Variants in NDOR1 observed in about 807,000 individuals in gnomAD.
The protein encoded by NDOR1 is NADPH-dependent diflavin oxidoreductase 1.
In NDOR1, 61 loss-of-function variants were observed where a neutral mutation model predicts 67.2. That is an observed-to-expected ratio of 0.91 (90% CI 0.74 to 1.12). The LOEUF is 1.12. Ranked by LOEUF, NDOR1 falls within the 50% of genes most tolerant of loss-of-function variation. The pLI, the probability that NDOR1 is intolerant of heterozygous loss-of-function variation, is 0.00. For synonymous variants in NDOR1, 378 were observed against 343.7 expected (o/e 1.10, Z -1.10); for missense variants, 878 against 802.8 (o/e 1.09, Z -1.13).
In NDOR1 at chr9:137,213,043, C is replaced by T. The variant is rs148899754; in HGVS notation, c.311+444C>T. 5.8e-3 allele frequency among the ~76,000 whole-genome samples: 876 copies of T among 152,326 alleles called. 11 individuals carry two copies. The highest frequency in any genetic ancestry group is 0.02 in the African/African-American group (814 of 41,574). On this transcript the variant is annotated intron_variant, in intron 3 of 13. Transcript: ENST00000684003. ...AGTGTGCAAATGGCATCTTTAGACC[C>T]CACAACGGTGAAAACCCCGACTGTC...
rs769629715 is a variant in NDOR1, at chr9:137,214,557, T to C, written c.723-13T>C. Reference sequence around the variant, plus strand: ...GCGGCGTCCCCACAGCCCTGGTGGCTTCTTCCACACAGCTTTGCTGCTGGT... The same window carrying C: ...GCGGCGTCCCCACAGCCCTGGTGGCCTCTTCCACACAGCTTTGCTGCTGGT... On this transcript the variant is annotated splice_polypyrimidine_tract_variant and intron_variant, in intron 6 of 13. Transcript: ENST00000684003. 1 of 1,611,250 alleles carries C rather than the reference T, an allele frequency of 6.2e-7. No homozygotes were observed. Among genetic ancestry groups the C allele is most frequent in the African/African-American group, 1.3e-5 (1 of 75,046 alleles).
In NDOR1 at chr9:137,214,663, G is replaced by A; in HGVS notation, c.816G>A (p.Gln272=). ...AGGTGCTGGGCCTGGACCCTGACCA[G>A]CTCTTCATGCTGCAGCCGCGGGAGC... ...FCQVLGLDPD[Q]LFMLQPREPD... is the part of the protein sequence containing the mutation. Residue 272 remains glutamine, a synonymous_variant, in exon 7 of 14, where the codon CAG becomes CAA. Coordinates refer to ENST00000684003, the MANE Select transcript of NDOR1 (RefSeq NM_014434.4). 2 of 1,606,206 alleles carry A rather than the reference G, an allele frequency of 1.2e-6. No homozygotes were observed. The highest frequency in any genetic ancestry group is 1.1e-5 in the South Asian group (1 of 91,080).
chr9:137,216,296 C>T lies in NDOR1; in HGVS notation c.1674C>T (p.Asp558=), dbSNP rs145104982. Residue 558 remains aspartate (D), a synonymous_variant, in exon 14 of 14, where the codon GAC becomes GAT. Coordinates refer to ENST00000684003, the MANE Select transcript of NDOR1 (RefSeq NM_014434.4). ...GCAACGCCAAGTCCATGCCAGCGGACGTCTCGGAAGCCCTGATGTCCATCT... is the reference window on the plus strand; with the variant it reads ...GCAACGCCAAGTCCATGCCAGCGGATGTCTCGGAAGCCCTGATGTCCATCT... The part of the protein sequence containing the change: ...LAGNAKSMPA[D]VSEALMSIFQ... 2,816 of 1,612,644 alleles carry T rather than the reference C, an allele frequency of 1.7e-3. 25 individuals carry two copies. The highest frequency in any genetic ancestry group is 0.014 in the South Asian group (1,276 of 91,092).
In NDOR1 at chr9:137,216,935, C is replaced by T. The variant is rs993483068; in HGVS notation, c.*519C>T. ...AGCTCCTTGAGAGCAGTGGGGGTGT[C>T]CCAGGCCAGAGCAGCCTCTTCCTCT... On this transcript the variant is annotated 3_prime_UTR_variant, in exon 14 of 14. Coordinates refer to ENST00000684003, the MANE Select transcript of NDOR1 (RefSeq NM_014434.4). 1.1e-5 allele frequency: 2 copies of T among 186,286 alleles called. No homozygotes were observed. Among genetic ancestry groups the T allele is most frequent in the African/African-American group, 2.4e-5 (1 of 41,738 alleles). The allele number at this position is 186,286 out of a possible 1,614,324, so 11.5% of individuals were successfully genotyped here. A position where few individuals can be genotyped will look rare whatever the true frequency, so the allele number is the denominator to read the frequency against.
intron 2 of NDOR1, among the ~76,000 whole-genome samples, chr9:137,211,954 C>T (rs547104047): frequency 1.3e-5 from 2 of 152,080 alleles, no homozygotes; most frequent in African/African-American, 4.8e-5. Context: ...CCTGTTGGCT[C>T]GAGGTCCTGC....
At chr9:137,210,454 C>T (rs554653173) in intron 2 of NDOR1, among the ~76,000 whole-genome samples, 5 of 151,712 alleles carry the variant, frequency 3.3e-5, no homozygotes, top group African/African-American at 4.9e-5. Context: ...AAGCAGTCTG[C>T]CTGCCTCATC....
In NDOR1 at chr9:137,216,562, G is replaced by A. The variant is rs762356634; in HGVS notation, c.*146G>A. On this transcript the variant is annotated 3_prime_UTR_variant, in exon 14 of 14. Coordinates refer to ENST00000684003, the MANE Select transcript of NDOR1 (RefSeq NM_014434.4). The stretch of plus-strand genomic sequence containing the variant: ...GAACAGCCAGCTCCCGAGCACAGCC[G>A]CACTCCTGTTGACCCTGGATCCCAC... 17 of 1,084,602 alleles carry A rather than the reference G, an allele frequency of 1.6e-5. No individual in the cohort carries two copies. The highest frequency in any genetic ancestry group is 1.3e-4 in the East Asian group (5 of 38,416). 67.2% of individuals were successfully genotyped at this position (1,084,602 alleles called of 1,614,324 possible).
In NDOR1 at chr9:137,216,424, G is replaced by A. The variant is rs772746221; in HGVS notation, c.*8G>A. On this transcript the variant is annotated 3_prime_UTR_variant, in exon 14 of 14. Transcript: ENST00000684003. ...ACAGAGACGTGGGCCTGAGGCCCGC[G>A]GCTGCCCGTGCCCCCTCTGACAGCC... 14 of 1,595,928 alleles carry A rather than the reference G, an allele frequency of 8.8e-6. No homozygotes were observed. In the East Asian group the frequency reaches 1.3e-4, roughly 15 times the overall value.
Position 137,205,794 on chromosome 9 carries a change from T to G in NDOR1, c.17T>G (p.Leu6Arg). Reference protein sequence around the residue: MPSPQLLVLFGSQTGT... With the variant: MPSPQRLVLFGSQTGT... ...CGCACCCCGATGCCGAGCCCGCAGC[T>G]TCTGGTGCTCTTCGGCAGCCAGACA... is the stretch of plus-strand genomic sequence containing the variant. The change falls in exon 1 of 14, where the codon CTT (leucine) becomes CGT (arginine). Residue 6 changes from leucine (L) to arginine (R), a missense_variant. Leu to Arg is a moderately radical substitution (Grantham distance 102). Transcript: ENST00000684003. 1 of 1,604,798 alleles carries G rather than the reference T, an allele frequency of 6.2e-7. No homozygotes were observed. Among genetic ancestry groups the G allele is most frequent in the Non-Finnish European group, 8.5e-7 (1 of 1,179,660 alleles).
rs747513395 is a variant in NDOR1 at position 137,205,883 on chromosome 9, C to T, written c.106C>T (p.Arg36Trp). Residue 36 changes from arginine to tryptophan, a missense_variant, in exon 1 of 14, where the codon CGG becomes TGG. Transcript: ENST00000684003. The stretch of plus-strand genomic sequence containing the variant: ...GGCCCGGCGCCGGCGGCTTGGCTGC[C>T]GGGTGCAGGCCCTGGACTCCTACCC... The part of the protein sequence containing the change: ...REARRRRLGC[R>W]VQALDSYPVV... The T allele has an allele frequency of 1.3e-6, 2 of 1,598,132 alleles. No individual in the cohort carries two copies. Among genetic ancestry groups the T allele is most frequent in the Non-Finnish European group, 1.7e-6 (2 of 1,177,930 alleles).
Position 137,214,920 on chromosome 9 carries a change from C to T in NDOR1, c.967C>T (p.His323Tyr), listed in dbSNP as rs779205950. The change falls in exon 8 of 14, where the codon CAT (histidine) becomes TAT (tyrosine). Residue 323 changes from histidine to tyrosine, a missense_variant. By Grantham distance (83) the His-to-Tyr change is moderately conservative (BLOSUM62 2). Coordinates refer to ENST00000684003, the MANE Select transcript of NDOR1 (RefSeq NM_014434.4). ...FFELLACLSLHELEREKLLEF... is the reference protein window; with the variant it reads ...FFELLACLSLYELEREKLLEF... ...CGAACTCCTGGCCTGTCTATCCCTC[C>T]ATGAGCTGGAGCGGGAGAAGCTGCT... 3.8e-5 allele frequency: 61 copies of T among 1,613,138 alleles called. 2 individuals are homozygous for T. In the South Asian group the frequency reaches 6.5e-4, roughly 17 times the overall value.
At chr9:137,210,941 G>C (rs1482992582) in intron 2 of NDOR1, among the ~76,000 whole-genome samples, 1 of 152,000 alleles carries the variant, frequency 6.6e-6, no homozygotes, top group Non-Finnish European at 1.5e-5. Context: ...AGGAGTTCGA[G>C]ACCAGCTTGG....
At chr9:137,211,814 G>A (rs1196722729) in intron 2 of NDOR1, among the ~76,000 whole-genome samples, 1 of 151,912 alleles carries the variant, frequency 6.6e-6, no homozygotes. Flanking sequence ...AGGTGGGTGG[G>A]CGGCGAAGAC....
rs1442242713 is a variant in NDOR1, at chr9:137,217,975, G to GC, written c.*1563dup. Reference sequence around the variant, plus strand: ...AAGGTGCTGAGACTACAGCCAGTGAGCCCCTGCTGGGGGCCAAAGCCATGG... The same window carrying GC: ...AAGGTGCTGAGACTACAGCCAGTGAGCCCCCTGCTGGGGGCCAAAGCCATGG... On this transcript the variant is annotated 3_prime_UTR_variant, in exon 14 of 14. Coordinates refer to ENST00000684003, the MANE Select transcript of NDOR1 (RefSeq NM_014434.4). 7.5e-6 allele frequency: 3 copies of GC among 398,712 alleles called. No individual in the cohort carries two copies. The highest frequency in any genetic ancestry group is 6.2e-5 in the African/African-American group (3 of 48,644). The allele number at this position is 398,712 out of a possible 1,614,324, so 24.7% of individuals were successfully genotyped here.
Position 137,216,474 on chromosome 9 carries a change from A to C in NDOR1, c.*58A>C, listed in dbSNP as rs1398887427. On this transcript the variant is annotated 3_prime_UTR_variant, in exon 14 of 14. Coordinates refer to ENST00000684003, the MANE Select transcript of NDOR1 (RefSeq NM_014434.4). ...CATCCTCCTGGGAGCCCAGGAAGGC[A>C]TCCACGAGGGAGCTCCTGGCCAGCA... 6.4e-7 allele frequency: 1 copy of C among 1,557,098 alleles called. No homozygotes were observed. Among genetic ancestry groups the C allele is most frequent in the Non-Finnish European group, 8.7e-7 (1 of 1,155,792 alleles).
Position 137,205,871 on chromosome 9 carries a change from C to A in NDOR1, c.94C>A (p.Arg32=). 1 of 1,599,838 alleles carries A rather than the reference C, an allele frequency of 6.3e-7. No individual in the cohort carries two copies. Among genetic ancestry groups the A allele is most frequent in the Non-Finnish European group, 8.5e-7 (1 of 1,178,198 alleles). Reference sequence around the variant, plus strand: ...ACTGGGTCGCGAGGCCCGGCGCCGGCGGCTTGGCTGCCGGGTGCAGGCCCT... The same window carrying A: ...ACTGGGTCGCGAGGCCCGGCGCCGGAGGCTTGGCTGCCGGGTGCAGGCCCT... ...ERLGREARRR[R]LGCRVQALDS... Residue 32 remains arginine (R), a synonymous_variant, in exon 1 of 14, where the codon CGG becomes AGG. Coordinates refer to ENST00000684003, the MANE Select transcript of NDOR1 (RefSeq NM_014434.4).
rs1835563814 is a variant in NDOR1, at chr9:137,215,957, G to A, written c.1494G>A (p.Glu498=). The change falls in exon 12 of 14, where the codon GAG becomes GAA. Residue 498 remains glutamate, a synonymous_variant. Coordinates refer to ENST00000684003, the MANE Select transcript of NDOR1 (RefSeq NM_014434.4). ...WRDQDFYWEA[E]WQELEKRDCL... ...ACCAAGACTTCTACTGGGAGGCTGAGTGGCAGGAGCTGGAGAAGCGGGACT... is the reference window on the plus strand; with the variant it reads ...ACCAAGACTTCTACTGGGAGGCTGAATGGCAGGAGCTGGAGAAGCGGGACT... 6.2e-7 allele frequency: 1 copy of A among 1,613,568 alleles called. No individual in the cohort carries two copies. Among genetic ancestry groups the A allele is most frequent in the Non-Finnish European group, 8.5e-7 (1 of 1,180,010 alleles).
chr9:137,210,594 G>A (rs913381440), intron 2 of NDOR1, among the ~76,000 whole-genome samples: 13 of 152,070 alleles, frequency 8.5e-5, no homozygotes, highest in Non-Finnish European at 1.8e-4. Flanking sequence ...GAATCCCAGC[G>A]CTTTGAGAAG....
In NDOR1 at chr9:137,216,543, C is replaced by G. The variant is rs1835617250; in HGVS notation, c.*127C>G. On this transcript the variant is annotated 3_prime_UTR_variant, in exon 14 of 14. Transcript: ENST00000684003. ...CAGCCAGCTGGTCCTCTGGGAACAG[C>G]CAGCTCCCGAGCACAGCCGCACTCC... 7.8e-6 allele frequency: 10 copies of G among 1,276,554 alleles called. No homozygotes were observed. The highest frequency in any genetic ancestry group is 1.1e-5 in the Non-Finnish European group (10 of 947,246). 79.1% of individuals were successfully genotyped at this position (1,276,554 alleles called of 1,614,324 possible).
Sources: allele counts gnomAD v4.1 joint callset (sites outside exome capture counted in the v4.1 genomes callset), GRCh38; gene constraint gnomAD v4.1.1; transcripts MANE v1.5; gene names NCBI Gene and HGNC (gene_info 2026-07-23, HGNC 2026-07-21).